The following PLPP7 variants were observed in gnomAD, a reference collection of about 807,000 sequenced individuals.
PLPP7 encodes phospholipid phosphatase 7 (inactive).
In PLPP7, 11 loss-of-function variants were observed where a neutral mutation model predicts 16.9. That is an observed-to-expected ratio of 0.65 (90% CI 0.41 to 1.08). The LOEUF (loss-of-function observed/expected upper bound fraction) is 1.08. Among genes scored for constraint, PLPP7 ranks in the 50% least tolerant of loss-of-function variants. PLPP7 has a pLI of 0.00. For missense variants in PLPP7, 358 were observed against 397.1 expected (o/e 0.90, Z 0.84); for synonymous variants, 174 against 175.1 (o/e 0.99, Z 0.05).
At chr9:131,294,651 T>TTTTG (rs201869319) in intron 1 of PLPP7, among the ~76,000 whole-genome samples, 2,348 of 151,976 alleles carry the variant, frequency 0.015, 38 homozygotes, top group Middle Eastern at 0.031. Flanking sequence ...GAAAGTATCT[T>TTTTG]TTTGTTTGTT....
chr9:131,308,577 G>A lies in PLPP7; in HGVS notation c.*290G>A, dbSNP rs966460279. 2.3e-5 allele frequency: 10 copies of A among 441,674 alleles called. No homozygotes were observed. The highest frequency in any genetic ancestry group is 1.8e-4 in the African/African-American group (9 of 50,302). The allele number at this position is 441,674 out of a possible 1,614,324, so 27.4% of individuals were successfully genotyped here. A position where few individuals can be genotyped will look rare whatever the true frequency, so the allele number is the denominator to read the frequency against. ...CAGCCCTATTTAGCTTCTGCTCTGG[G>A]AACAGCAAAAATCAGGATGGTGGGA... On this transcript the variant is annotated 3_prime_UTR_variant, in exon 2 of 2. Coordinates refer to ENST00000372264, the MANE Select transcript of PLPP7 (RefSeq NM_032728.4).
At chr9:131,301,626 C>T (rs1162422098) in intron 1 of PLPP7, among the ~76,000 whole-genome samples, 1 of 152,182 alleles carries the variant, frequency 6.6e-6, no homozygotes, top group Non-Finnish European at 1.5e-5. Flanking sequence ...CACGGTGCCC[C>T]AGCCTCCAGG....
At chr9:131,298,922 T>G (rs1306662042) in intron 1 of PLPP7, among the ~76,000 whole-genome samples, 1 of 151,752 alleles carries the variant, frequency 6.6e-6, no homozygotes, top group Admixed American at 6.6e-5. Flanking sequence ...GCATGGGGGG[T>G]TCAGACATTC....
rs910741974 is a variant in PLPP7, at chr9:131,308,418, C to T, written c.*131C>T. The T allele has an allele frequency of 2.9e-6, 4 of 1,388,906 alleles. No individual in the cohort carries two copies. Among genetic ancestry groups the T allele is most frequent in the Non-Finnish European group, 3.8e-6 (4 of 1,056,994 alleles). 86.0% of individuals were successfully genotyped at this position (1,388,906 alleles called of 1,614,324 possible). ...AGAGCGGCCACCCCCACCTCATCTT[C>T]CCCTCCTGGCTGGAGGCTGGCGAAC... On this transcript the variant is annotated 3_prime_UTR_variant, in exon 2 of 2. Transcript: ENST00000372264.
chr9:131,298,012 C>T (rs1835753968), intron 1 of PLPP7, among the ~76,000 whole-genome samples: 1 of 152,162 alleles, frequency 6.6e-6, no homozygotes, highest in African/African-American at 2.4e-5. Context: ...GCAGTGGCCA[C>T]AGCATGCTCT....
rs374254465 is a variant in PLPP7 at position 131,308,062 on chromosome 9, C to G, written c.591C>G (p.Ala197=). The change falls in exon 2 of 2, where the codon GCC becomes GCG. Residue 197 remains alanine, a synonymous_variant. Coordinates refer to ENST00000372264, the MANE Select transcript of PLPP7 (RefSeq NM_032728.4). Reference sequence around the variant, plus strand: ...TCCCGGCCGGGCACGCCAGCCGCGCCGCCATGGTGTCCAAGTTCTTCCTCA... The same window carrying G: ...TCCCGGCCGGGCACGCCAGCCGCGCGGCCATGGTGTCCAAGTTCTTCCTCA... ...YAFPAGHASR[A]AMVSKFFLSH... 6.2e-7 allele frequency: 1 copy of G among 1,601,332 alleles called. No individual in the cohort carries two copies. Among genetic ancestry groups the G allele is most frequent in the Non-Finnish European group, 8.5e-7 (1 of 1,179,838 alleles).
In PLPP7 at chr9:131,290,560, G is replaced by T. The variant is rs984881659; in HGVS notation, c.451+112G>T. ...ACAGCCCTCAGAAACCGGCTGGGATGGTCTAATGAGGTTAGGCAGGAAGGG... is the reference window on the plus strand; with the variant it reads ...ACAGCCCTCAGAAACCGGCTGGGATTGTCTAATGAGGTTAGGCAGGAAGGG... On this transcript the variant is annotated intron_variant, in intron 1 of 1. Coordinates refer to ENST00000372264, the MANE Select transcript of PLPP7 (RefSeq NM_032728.4). The surrounding 1 kb of genome is among the most constrained non-coding windows in gnomAD (Gnocchi z 4.2). 1.7e-5 allele frequency: 18 copies of T among 1,034,896 alleles called. No homozygotes were observed. In the African/African-American group the frequency reaches 2.6e-4, roughly 15 times the overall value. The allele number at this position is 1,034,896 out of a possible 1,614,324, so 64.1% of individuals were successfully genotyped here. A position where few individuals can be genotyped will look rare whatever the true frequency, so the allele number is the denominator to read the frequency against.
intron 1 of PLPP7, among the ~76,000 whole-genome samples, chr9:131,304,182 G>A (rs776187399): frequency 7.9e-5 from 12 of 152,166 alleles, no homozygotes; most frequent in Non-Finnish European, 1.5e-4. Flanking sequence ...CCCCACATTG[G>A]CGGTCTGGGT....
At chr9:131,303,821 C>T (rs1364218960) in intron 1 of PLPP7, among the ~76,000 whole-genome samples, 1 of 152,142 alleles carries the variant, frequency 6.6e-6, no homozygotes, top group African/African-American at 2.4e-5. Context: ...AGCTTCGTCT[C>T]ACAGGTGAGG....
In PLPP7 at chr9:131,291,226, C is replaced by T. The variant is rs187767419; in HGVS notation, c.451+778C>T. 2.1e-4 allele frequency: 283 copies of T among 1,348,516 alleles called. 3 individuals carry two copies. In the South Asian group the frequency reaches 2.6e-3, roughly 12 times the overall value. The allele number at this position is 1,348,516 out of a possible 1,614,324, so 83.5% of individuals were successfully genotyped here. On this transcript the variant is annotated intron_variant, in intron 1 of 1. Transcript: ENST00000372264. ...GCCCACCCTTCGGGCACCACCAGGTCCCCAAGGTGCCCCAGGAAGCTTCCA... is the reference window on the plus strand; with the variant it reads ...GCCCACCCTTCGGGCACCACCAGGTTCCCAAGGTGCCCCAGGAAGCTTCCA...
rs1588211736 is a variant in PLPP7 at position 131,308,353 on chromosome 9, C to A, written c.*66C>A. On this transcript the variant is annotated 3_prime_UTR_variant, in exon 2 of 2. Coordinates refer to ENST00000372264, the MANE Select transcript of PLPP7 (RefSeq NM_032728.4). ...GCCCTAGAGAAGGGGCAGGGGGTGGCGAGGTGGCGGGCGTGGGTGGAACAG... is the reference window on the plus strand; with the variant it reads ...GCCCTAGAGAAGGGGCAGGGGGTGGAGAGGTGGCGGGCGTGGGTGGAACAG... 1.3e-6 allele frequency: 2 copies of A among 1,491,784 alleles called. No homozygotes were observed. Among genetic ancestry groups the A allele is most frequent in the African/African-American group, 1.4e-5 (1 of 72,498 alleles). 92.4% of individuals were successfully genotyped at this position (1,491,784 alleles called of 1,614,324 possible).
chr9:131,307,285 C>T (rs1835864037), intron 1 of PLPP7, among the ~76,000 whole-genome samples: 2 of 149,544 alleles, frequency 1.3e-5, no homozygotes, highest in South Asian at 4.2e-4. Flanking sequence ...GGCGCAGTGG[C>T]TCATACCTGT....
rs779498564 is a variant in PLPP7, at chr9:131,290,468, G to A, written c.451+20G>A. 19 of 1,491,374 alleles carry A rather than the reference G, an allele frequency of 1.3e-5. No homozygotes were observed. The highest frequency in any genetic ancestry group is 1.8e-4 in the Middle Eastern group (1 of 5,480). The allele number at this position is 1,491,374 out of a possible 1,614,324, so 92.4% of individuals were successfully genotyped here. A position where few individuals can be genotyped will look rare whatever the true frequency, so the allele number is the denominator to read the frequency against. On this transcript the variant is annotated intron_variant, in intron 1 of 1. Coordinates refer to ENST00000372264, the MANE Select transcript of PLPP7 (RefSeq NM_032728.4). This position sits in a 1 kb window ranked among gnomAD's most constrained non-coding sequence, Gnocchi z 4.2. Reference sequence around the variant, plus strand: ...TCCTGGGTGAGTGTGCCTGCCGCCCGCCACTCACTGTCAGGCCCCTCGGGA... The same window carrying A: ...TCCTGGGTGAGTGTGCCTGCCGCCCACCACTCACTGTCAGGCCCCTCGGGA...
At chr9:131,291,508 C>T (rs1835677685) in intron 1 of PLPP7, 1 of 649,686 alleles carries the variant, frequency 1.5e-6, no homozygotes, top group African/African-American at 2.0e-5. Context: ...CCATTGGATA[C>T]TTCATGCAGG....
intron 1 of PLPP7, among the ~76,000 whole-genome samples, chr9:131,305,787 C>T (rs1280695694): frequency 6.6e-6 from 1 of 152,122 alleles, no homozygotes; most frequent in Non-Finnish European, 1.5e-5. Context: ...TGCCATCACA[C>T]ATGTCTAATT....
At chr9:131,305,356 C>T (rs1163073741) in intron 1 of PLPP7, among the ~76,000 whole-genome samples, 3 of 150,582 alleles carry the variant, frequency 2.0e-5, no homozygotes. Flanking sequence ...TTGAGACCAT[C>T]TTAGGCAGCA....
rs11244358 is a variant in PLPP7 at position 131,295,119 on chromosome 9, A to T, written c.451+4671A>T. ...GACAGAGTGAGACTCTGTCTAAAAA[A>T]AAAGTATCTTTATTGAGATTTTCCT... On this transcript the variant is annotated intron_variant, in intron 1 of 1. Transcript: ENST00000372264. This position sits in a 1 kb window ranked among gnomAD's most constrained non-coding sequence, Gnocchi z 4.0. Among the ~76,000 whole-genome samples the T allele has an allele frequency of 6.6e-6, 1 of 151,170 alleles. No homozygotes were observed. The highest frequency in any genetic ancestry group is 1.5e-5 in the Non-Finnish European group (1 of 67,706).
chr9:131,298,727 C>T lies in PLPP7; in HGVS notation c.451+8279C>T, dbSNP rs114980155. 8.9e-3 allele frequency among the ~76,000 whole-genome samples: 1,352 copies of T among 152,352 alleles called. 21 individuals carry two copies. The highest frequency in any genetic ancestry group is 0.031 in the African/African-American group (1,291 of 41,576). ...ATCTTCCAGGATGGCAGCAGCTCTT[C>T]TCCAAGAAAGCCCTGGCTCCTGCCT... On this transcript the variant is annotated intron_variant, in intron 1 of 1. Transcript: ENST00000372264.
intron 1 of PLPP7, chr9:131,293,040 G>A (rs1437932954): frequency 1.2e-6 from 1 of 860,704 alleles, no homozygotes; most frequent in Admixed American, 6.2e-5. Flanking sequence ...TGAACGGCCT[G>A]TATTTTATGA....
Sources: allele counts gnomAD v4.1 joint callset (sites outside exome capture counted in the v4.1 genomes callset), GRCh38; gene constraint gnomAD v4.1.1; non-coding constraint Gnocchi (gnomAD v3.1); transcripts MANE v1.5; gene names NCBI Gene and HGNC (gene_info 2026-07-23, HGNC 2026-07-21).